ZNF608: variants seen among roughly 807,000 people sequenced by gnomAD.
ZNF608 encodes the protein renal carcinoma antigen NY-REN-36.
A neutral mutation model predicts 109.0 loss-of-function variants in ZNF608; 12 were observed. That is an observed-to-expected ratio of 0.11 (90% confidence interval 0.07 to 0.18). The LOEUF is 0.18. ZNF608 is among the 10% of genes least tolerant of loss of function. The pLI, the probability that ZNF608 is intolerant of heterozygous loss-of-function variation, is 1.00. For missense variants in ZNF608, 1,707 were observed against 1,879.3 expected (o/e 0.91, Z 1.70); for synonymous variants, 732 against 717.4 (o/e 1.02, Z -0.33).
At chr5:124,638,413 C>T (rs554813254) in intron 9 of ZNF608, among the ~76,000 whole-genome samples, 11 of 152,208 alleles carry the variant, frequency 7.2e-5, no homozygotes, top group Admixed American at 3.3e-4. Flanking sequence ...CACACCACCA[C>T]GCCCAGCTAA....
chr5:124,702,682 A>G (rs896829094), intron 2 of ZNF608, among the ~76,000 whole-genome samples: 1 of 152,196 alleles, frequency 6.6e-6, no homozygotes, highest in Admixed American at 6.5e-5. Flanking sequence ...CACTTGCCTG[A>G]GTGATCCAAG....
intron 3 of ZNF608, among the ~76,000 whole-genome samples, chr5:124,680,125 C>T (rs901956367): frequency 6.6e-6 from 1 of 151,726 alleles, no homozygotes; most frequent in Non-Finnish European, 1.5e-5. Context: ...AACCAAGCAT[C>T]GCTGAAGCCA....
intron 3 of ZNF608, among the ~76,000 whole-genome samples, chr5:124,677,433 T>C (rs142229724): frequency 2.6e-5 from 4 of 152,298 alleles, no homozygotes; most frequent in South Asian, 2.1e-4. Context: ...CTGTTTGACA[T>C]AGGACACAGC....
intron 9 of ZNF608, 182 bp downstream of exon 9, chr5:124,638,950 GA>G: frequency 1.2e-6 from 1 of 805,128 alleles, no homozygotes; most frequent in Non-Finnish European, 1.9e-6. Context: ...AACCCTTACA[GA>G]ATGAGGTTCA....
At position 124,688,702 on chromosome 5, in the gene ZNF608, A is replaced by C. The variant is rs142623108; in HGVS notation, c.1162+12312T>G. Among the ~76,000 whole-genome samples, 441 of 152,370 alleles carry C rather than the reference A, an allele frequency of 2.9e-3. 4 individuals are homozygous for C. Among genetic ancestry groups the C allele is most frequent in the African/African-American group, 0.01 (433 of 41,592 alleles). On this transcript the variant is annotated intron_variant, in intron 3 of 9. Coordinates refer to ENST00000513986, the MANE Select transcript of ZNF608 (RefSeq NM_020747.3). Reference sequence around the variant, plus strand: ...AAAACTTCATACACAAAGATATACTATGTAATCCTATTTATATTTATCTAA... The same window carrying C: ...AAAACTTCATACACAAAGATATACTCTGTAATCCTATTTATATTTATCTAA...
intron 3 of ZNF608, among the ~76,000 whole-genome samples, chr5:124,671,883 CT>C (rs1183044787): frequency 1.3e-5 from 2 of 152,130 alleles, no homozygotes; most frequent in East Asian, 3.9e-4. Flanking sequence ...TGTGATCCAC[CT>C]GCGTCAGCTT....
At chr5:124,641,477 T>C (rs1750237723) in intron 7 of ZNF608, 72 bp from the exon 8 acceptor site, 2 of 1,449,324 alleles carry the variant, frequency 1.4e-6, no homozygotes, top group Non-Finnish European at 1.9e-6. Flanking sequence ...AAACCACCTT[T>C]GTCCCTTCGA....
intron 3 of ZNF608, among the ~76,000 whole-genome samples, chr5:124,674,441 C>A (rs1326164482): frequency 6.6e-6 from 1 of 152,130 alleles, no homozygotes; most frequent in African/African-American, 2.4e-5. Flanking sequence ...AATGTTCCAG[C>A]CTAGTTTAGT....
At chr5:124,685,930 T>G (rs746720023) in intron 3 of ZNF608, among the ~76,000 whole-genome samples, 3 of 152,222 alleles carry the variant, frequency 2.0e-5, no homozygotes, top group Non-Finnish European at 4.4e-5. Context: ...CCTCAAATAC[T>G]TAACAGTCAC....
At chr5:124,669,183 C>T (rs1230989043) in intron 3 of ZNF608, among the ~76,000 whole-genome samples, 2 of 152,112 alleles carry the variant, frequency 1.3e-5, no homozygotes, top group African/African-American at 4.8e-5. Context: ...GACAGGGACA[C>T]GTGGCAGACA....
At position 124,647,060 on chromosome 5, in the gene ZNF608, G is replaced by A. The variant is rs775950140; in HGVS notation, c.3324C>T (p.Tyr1108=). 2.5e-6 allele frequency: 4 copies of A among 1,613,990 alleles called. No individual in the cohort carries two copies. The highest frequency in any genetic ancestry group is 2.2e-5 in the South Asian group (2 of 91,066). The change falls in exon 5 of 10, where the codon TAC becomes TAT. Residue 1108 remains tyrosine, a synonymous_variant. Transcript: ENST00000513986. ...SPAYRQQYEK[Y]YEDQRLAEQK... The stretch of plus-strand genomic sequence containing the variant: ...GCTCTGCCAGCCTCTGGTCCTCATA[G>A]TACTTCTCATACTGCTGTCTATAGG...
chr5:124,642,186 C>T (rs1322886320), intron 7 of ZNF608, among the ~76,000 whole-genome samples: 3 of 152,224 alleles, frequency 2.0e-5, no homozygotes, highest in African/African-American at 7.2e-5. Context: ...ACTTTAAACT[C>T]TTTCCTAGCC....
chr5:124,670,163 C>T (rs190934995), intron 3 of ZNF608, among the ~76,000 whole-genome samples: 1 of 152,298 alleles, frequency 6.6e-6, no homozygotes, highest in African/African-American at 2.4e-5. Context: ...AGGCAGAATT[C>T]TGCTGTGGCT....
intron 3 of ZNF608, among the ~76,000 whole-genome samples, chr5:124,673,056 T>C (rs1352154238): frequency 2.0e-5 from 3 of 152,106 alleles, no homozygotes; most frequent in Admixed American, 6.6e-5. Context: ...ACTGGGTACA[T>C]GCAATTAATA....
At chr5:124,660,343 C>T (rs1751200197) in intron 3 of ZNF608, among the ~76,000 whole-genome samples, 1 of 152,150 alleles carries the variant, frequency 6.6e-6, no homozygotes, top group South Asian at 2.1e-4. Flanking sequence ...CCTTTGGCGG[C>T]AGGGTGAATG....
chr5:124,730,461 T>C (rs960298144), intron 2 of ZNF608, among the ~76,000 whole-genome samples: 3 of 152,240 alleles, frequency 2.0e-5, no homozygotes, highest in Admixed American at 2.0e-4. Flanking sequence ...GATTATCTGC[T>C]GGAAGTAACT....
intron 4 of ZNF608, 129 bp from the exon 5 acceptor site, chr5:124,649,262 A>G: frequency 1.4e-6 from 1 of 738,104 alleles, no homozygotes; most frequent in East Asian, 2.9e-5. Context: ...GTCAAGGAAA[A>G]GACTGACAAT....
At position 124,647,389 on chromosome 5, in the gene ZNF608, T is replaced by A. The variant is rs1171158658; in HGVS notation, c.2995A>T (p.Ser999Cys). 1 of 1,614,094 alleles carries A rather than the reference T, an allele frequency of 6.2e-7. No homozygotes were observed. Among genetic ancestry groups the A allele is most frequent in the African/African-American group, 1.3e-5 (1 of 74,926 alleles). Residue 999 changes from serine to cysteine, a missense_variant, in exon 5 of 10, where the codon AGC becomes TGC. Physicochemically the swap from Ser to Cys is moderately radical, Grantham distance 112. Around this residue, in one of 7 missense-constraint regions of ZNF608, gnomAD observed 1,073 missense variants for 1,133.5 expected, o/e 0.95. Coordinates refer to ENST00000513986, the MANE Select transcript of ZNF608 (RefSeq NM_020747.3). ...LKESHSPYYH[S>C]YDPYYSPSYM... ...CTTGGAGAATAATAAGGATCATAGCTGTGGTAATAGGGAGAATGGGACTCT... is the reference window on the plus strand; with the variant it reads ...CTTGGAGAATAATAAGGATCATAGCAGTGGTAATAGGGAGAATGGGACTCT...
intron 3 of ZNF608, among the ~76,000 whole-genome samples, chr5:124,684,953 C>A (rs1303455638): frequency 1.3e-5 from 2 of 152,130 alleles, no homozygotes; most frequent in Non-Finnish European, 2.9e-5. Context: ...ACTATTGCAG[C>A]CAAAGAATAA....
Sources: gnomAD v4.1 joint callset for allele counts (sites outside exome capture counted in the v4.1 genomes callset) on GRCh38, gnomAD v4.1.1 for gene constraint, gnomAD v4.1.1 regional missense constraint, MANE v1.5 for transcripts, NCBI Gene and HGNC (gene_info 2026-07-23, HGNC 2026-07-21) for gene names.